BEST4: variants seen among roughly 807,000 people sequenced by gnomAD.
BEST4 encodes the protein bestrophin 4.
In BEST4, 36 loss-of-function variants were observed where a neutral mutation model predicts 47.1. That is an observed-to-expected ratio of 0.76 (90% CI 0.59 to 1.01). BEST4 has a LOEUF of 1.01. Ranked by LOEUF, BEST4 falls within the 50% of genes least tolerant of loss-of-function variation. BEST4 has a pLI of 0.00. For missense variants in BEST4, 550 were observed against 648.6 expected, an observed-to-expected ratio of 0.85 and a Z score of 1.65; for synonymous variants, 250 against 277.8, an observed-to-expected ratio of 0.90 and a Z score of 1.00.
upstream of BEST4, among the ~76,000 whole-genome samples, chr1:44,788,403 CAG>C (rs1028333275): frequency 1.3e-5 from 2 of 152,194 alleles, no homozygotes; most frequent in Non-Finnish European, 2.9e-5. Context: ...GCCAGTATGA[CAG>C]GGGTTATTGT....
Position 44,785,648 on chromosome 1 carries a change from C to T in BEST4, c.665G>A (p.Ser222Asn). ...EELNKYRAKC[S>N]MLFHYDWISI... The stretch of plus-strand genomic sequence containing the variant: ...GATCCAGTCATAGTGGAATAGCATG[C>T]TGCACTTGGCTCGGTACTTGTTCAG... Residue 222 changes from serine (S) to asparagine (N), a missense_variant, in exon 5 of 9, where the codon AGC becomes AAC. By Grantham distance (46) the Ser-to-Asn change is conservative. Transcript: ENST00000372207. The T allele has an allele frequency of 6.4e-7, 1 of 1,554,836 alleles. No individual in the cohort carries two copies. Among genetic ancestry groups the T allele is most frequent in the Non-Finnish European group, 8.7e-7 (1 of 1,149,036 alleles).
chr1:44,789,592 G>A (rs144435964), upstream of BEST4, among the ~76,000 whole-genome samples: 672 of 152,138 alleles, frequency 4.4e-3, 2 homozygotes, highest in African/African-American at 0.014. Flanking sequence ...CAGCTACTCC[G>A]GAGGCTGAGA....
chr1:44,786,326 G>T lies in BEST4; in HGVS notation c.482-98C>A. On this transcript the variant is annotated intron_variant, in intron 3 of 8. Transcript: ENST00000372207. This position sits in a 1 kb window ranked among gnomAD's most constrained non-coding sequence, Gnocchi z 4.9. Reference sequence around the variant, plus strand: ...CTCCCCTCCCTCGCGTCCACCGGCTGTCCCAGGACTCGCGGTTCCGCGTTC... The same window carrying T: ...CTCCCCTCCCTCGCGTCCACCGGCTTTCCCAGGACTCGCGGTTCCGCGTTC... 1 of 1,479,384 alleles carries T rather than the reference G, an allele frequency of 6.8e-7. No individual in the cohort carries two copies. Among genetic ancestry groups the T allele is most frequent in the Non-Finnish European group, 9.1e-7 (1 of 1,102,916 alleles). The allele number at this position is 1,479,384 out of a possible 1,614,324, so 91.6% of individuals were successfully genotyped here.
rs370982160 is a variant in BEST4 at position 44,787,587 on chromosome 1, C to T, written c.119G>A (p.Gly40Glu). ...GATGCTAAGCACAGCGTACAAGGCC[C>T]CAAAGAGGAGGAATTCCTTGTAGAG... Reference protein sequence around the residue: ...KLLYKEFLLFGALYAVLSITY... With the variant: ...KLLYKEFLLFEALYAVLSITY... The change falls in exon 1 of 9, where the codon GGG becomes GAG. Residue 40 changes from glycine to glutamate, a missense_variant. This residue lies in a region of BEST4 where 291 missense variants were observed against 342.4 expected (regional missense o/e 0.85). Transcript: ENST00000372207. The T allele has an allele frequency of 6.2e-7, 1 of 1,614,176 alleles. No individual in the cohort carries two copies. Among genetic ancestry groups the T allele is most frequent in the Non-Finnish European group, 8.5e-7 (1 of 1,180,032 alleles).
At chr1:44,789,192 G>A (rs1366117660), upstream of BEST4, among the ~76,000 whole-genome samples, 7 of 148,672 alleles carry the variant, frequency 4.7e-5, no homozygotes, top group Admixed American at 4.1e-4. Flanking sequence ...CTGGGGAGGC[G>A]CAGGTTGCAA....
Position 44,787,143 on chromosome 1 carries a change from C to CTT in BEST4, c.247+227_247+228dup, listed in dbSNP as rs34398169. ...GGCTCTGCCACCGTGTTGAGTAATT[C>CTT]TTTTTTTTTTTTTTTTTTTTTTTAG... is the stretch of plus-strand genomic sequence containing the variant. On this transcript the variant is annotated intron_variant, in intron 2 of 8. Coordinates refer to ENST00000372207, the MANE Select transcript of BEST4 (RefSeq NM_153274.3). Among the ~76,000 whole-genome samples the CTT allele has an allele frequency of 2.0e-3, 205 of 104,968 alleles. 2 individuals carry two copies. Among genetic ancestry groups the CTT allele is most frequent in the Admixed American group, 2.4e-3 (24 of 10,096 alleles). The allele number at this position is 104,968 out of a possible 152,430, so 68.9% of individuals were successfully genotyped here.
upstream of BEST4, among the ~76,000 whole-genome samples, chr1:44,790,167 C>A (rs960222553): frequency 6.6e-6 from 1 of 152,160 alleles, no homozygotes; most frequent in South Asian, 2.1e-4. Flanking sequence ...TGGTTTCCCA[C>A]GACTGGTCCA....
chr1:44,792,247 C>A (rs1651431690), upstream of BEST4, among the ~76,000 whole-genome samples: 1 of 151,440 alleles, frequency 6.6e-6, no homozygotes, highest in South Asian at 2.1e-4. Flanking sequence ...ACCAACATGG[C>A]AAAATCCTGT....
rs1036458432 is a variant in BEST4, at chr1:44,783,879, A to G, written c.*331T>C. ...TTTGACAAGACCTTCCGTGATGCTG[A>G]TCCTTCCTTAAGTTTGAGAACCAAT... On this transcript the variant is annotated 3_prime_UTR_variant, in exon 9 of 9. Transcript: ENST00000372207. 1 of 242,750 alleles carries G rather than the reference A, an allele frequency of 4.1e-6. No homozygotes were observed. Among genetic ancestry groups the G allele is most frequent in the East Asian group, 7.6e-5 (1 of 13,188 alleles). The allele number at this position is 242,750 out of a possible 1,614,324, so 15.0% of individuals were successfully genotyped here. A position where few individuals can be genotyped will look rare whatever the true frequency, so the allele number is the denominator to read the frequency against.
rs374914946 is a variant in BEST4 at position 44,787,452 on chromosome 1, T to A, written c.167A>T (p.Gln56Leu). ...LSITYRLLLT[Q>L]EQRYVYAQVA... ...CTGAGCATACACGTACCTCTGCTCC[T>A]GGGTCAGCAGCAGCCTGGGGAAGGC... Residue 56 changes from glutamine (Q) to leucine (L), a missense_variant, in exon 2 of 9, where the codon CAG becomes CTG. Gln to Leu is a moderately radical substitution (Grantham distance 113). Coordinates refer to ENST00000372207, the MANE Select transcript of BEST4 (RefSeq NM_153274.3). 70 of 1,614,056 alleles carry A rather than the reference T, an allele frequency of 4.3e-5. No individual in the cohort carries two copies. Among genetic ancestry groups the A allele is most frequent in the Non-Finnish European group, 5.8e-5 (68 of 1,180,040 alleles).
In BEST4 at chr1:44,787,460, C is replaced by G. The variant is rs745854022; in HGVS notation, c.159G>C (p.Leu53=). ...YAVLSITYRL[L]LTQEQRYVYA... The stretch of plus-strand genomic sequence containing the variant: ...ACACGTACCTCTGCTCCTGGGTCAG[C>G]AGCAGCCTGGGGAAGGCAGGTGTAG... The change falls in exon 2 of 9, where the codon CTG becomes CTC. Residue 53 remains leucine, a synonymous_variant. Transcript: ENST00000372207. 9.3e-6 allele frequency: 15 copies of G among 1,614,180 alleles called. No individual in the cohort carries two copies. The highest frequency in any genetic ancestry group is 1.6e-4 in the Middle Eastern group (1 of 6,062).
chr1:44,785,291 G>T lies in BEST4; in HGVS notation c.729C>A (p.Ala243=), dbSNP rs200423836. Residue 243 remains alanine (A), a synonymous_variant, in exon 6 of 9, where the codon GCC becomes GCA. Transcript: ENST00000372207. ...GGGAGAGGGCAAAGAAAGAGTAGACGGCTATGGTCACCACCTGGAGAATGA... is the reference window on the plus strand; with the variant it reads ...GGGAGAGGGCAAAGAAAGAGTAGACTGCTATGGTCACCACCTGGAGAATGA... ...PLVYTQVVTI[A]VYSFFALSLV... is the part of the protein sequence containing the mutation. 2 of 1,600,840 alleles carry T rather than the reference G, an allele frequency of 1.2e-6. No individual in the cohort carries two copies. The highest frequency in any genetic ancestry group is 2.2e-5 in the East Asian group (1 of 44,746).
chr1:44,789,257 AAGAAAAGAAAGAAAG>A (rs1303520479), upstream of BEST4, among the ~76,000 whole-genome samples: 549 of 138,740 alleles, frequency 4.0e-3, 3 homozygotes, highest in African/African-American at 0.015. Flanking sequence ...AAAAAAAAAA[AAGAAAAGAAAGAAAG>A]AAAAAGAAAA....
chr1:44,782,572 G>A (rs1339111269), downstream of BEST4, among the ~76,000 whole-genome samples: 1 of 152,094 alleles, frequency 6.6e-6, no homozygotes, highest in Non-Finnish European at 1.5e-5. Flanking sequence ...GGAGGTTGCA[G>A]TGAGCCGAGA....
upstream of BEST4, among the ~76,000 whole-genome samples, chr1:44,792,473 T>C (rs1651437966): frequency 1.3e-5 from 2 of 150,310 alleles, no homozygotes; most frequent in Admixed American, 1.3e-4. Context: ...GGGATGATAA[T>C]GCCTATCACA....
At position 44,784,416 on chromosome 1, in the gene BEST4, C is replaced by G. The variant is rs1295171017; in HGVS notation, c.1216G>C (p.Ala406Pro). ...CGGCCGAGCAACGGGGTCTGCGCGG[C>G]GGGCGCGGGCCGACCAGATCCGGGG... ...ASPGSGRPAPAAQTPLLGRFL... is the reference protein window; with the variant it reads ...ASPGSGRPAPPAQTPLLGRFL... Residue 406 changes from alanine to proline, a missense_variant, in exon 9 of 9, where the codon GCC (alanine) becomes CCC (proline). Physicochemically the swap from Ala to Pro is conservative, Grantham distance 27 (BLOSUM62 -1). Around this residue, in one of 3 missense-constraint regions of BEST4, gnomAD observed 255 missense variants for 286.6 expected, o/e 0.89. Transcript: ENST00000372207. This position sits in a 1 kb window ranked among gnomAD's most constrained non-coding sequence, Gnocchi z 6.2. 2.5e-6 allele frequency: 3 copies of G among 1,207,658 alleles called. No homozygotes were observed. Among genetic ancestry groups the G allele is most frequent in the Non-Finnish European group, 3.1e-6 (3 of 964,690 alleles). The allele number at this position is 1,207,658 out of a possible 1,614,324, so 74.8% of individuals were successfully genotyped here.
chr1:44,785,399 T>G, intron 5 of BEST4, 94 bp from the exon 6 acceptor site: 1 of 1,355,410 alleles, frequency 7.4e-7, no homozygotes, highest in Non-Finnish European at 1.0e-6. Flanking sequence ...GTCTGACAAG[T>G]AATCAAACAT....
chr1:44,790,416 C>T (rs1651381201), upstream of BEST4, among the ~76,000 whole-genome samples: 2 of 152,020 alleles, frequency 1.3e-5, no homozygotes, highest in African/African-American at 4.8e-5. Flanking sequence ...GGTGTATATG[C>T]CTAGCTCATT....
Position 44,784,428 on chromosome 1 carries a change from G to A in BEST4, c.1204C>T (p.Arg402Trp). 1 of 1,311,002 alleles carries A rather than the reference G, an allele frequency of 7.6e-7. No homozygotes were observed. The highest frequency in any genetic ancestry group is 9.7e-7 in the Non-Finnish European group (1 of 1,029,204). The allele number at this position is 1,311,002 out of a possible 1,614,324, so 81.2% of individuals were successfully genotyped here. The change falls in exon 9 of 9, where the codon CGG becomes TGG. Residue 402 changes from arginine to tryptophan, a missense_variant. Physicochemically the swap from Arg to Trp is moderately radical, Grantham distance 101. Around this residue, in one of 3 missense-constraint regions of BEST4, gnomAD observed 255 missense variants for 286.6 expected, o/e 0.89. Transcript: ENST00000372207. This position sits in a 1 kb window ranked among gnomAD's most constrained non-coding sequence, Gnocchi z 6.2. ...LQVEASPGSG[R>W]PAPAAQTPLL... Reference sequence around the variant, plus strand: ...GGGGTCTGCGCGGCGGGCGCGGGCCGACCAGATCCGGGGGACGCCTCCACC... The same window carrying A: ...GGGGTCTGCGCGGCGGGCGCGGGCCAACCAGATCCGGGGGACGCCTCCACC...
Sources: gnomAD v4.1 joint callset for allele counts (sites outside exome capture counted in the v4.1 genomes callset) on GRCh38, gnomAD v4.1.1 for gene constraint, gnomAD v4.1.1 regional missense constraint, Gnocchi (gnomAD v3.1) non-coding constraint, MANE v1.5 for transcripts, NCBI Gene and HGNC (gene_info 2026-07-23, HGNC 2026-07-21) for gene names.